GABRB2: variants seen among roughly 807,000 people sequenced by gnomAD.
GABRB2 encodes the protein gamma-aminobutyric acid type A receptor subunit beta2, also known as gamma-aminobutyric acid receptor subunit beta-2.
A neutral mutation model predicts 54.7 loss-of-function variants in GABRB2; 16 were observed. The ratio of observed to expected loss-of-function variants is 0.29; its 90% CI spans 0.20 to 0.44. The LOEUF is 0.44. Among genes scored for constraint, GABRB2 ranks in the 20% least tolerant of loss-of-function variants. The probability of loss-of-function intolerance (pLI) is 1.00; values close to 1 mark genes in which losing one functional copy is unlikely to be tolerated. For missense variants in GABRB2, 355 were observed against 644.0 expected (o/e 0.55, Z 4.86); for synonymous variants, 244 against 233.8 (o/e 1.04, Z -0.40).
intron 3 of GABRB2, among the ~76,000 whole-genome samples, chr5:161,472,410 A>C (rs534883184): frequency 7.3e-5 from 11 of 150,940 alleles, no homozygotes; most frequent in Non-Finnish European, 1.6e-4. Flanking sequence ...TCCCTCCAAA[A>C]CACACACACA....
intron 5 of GABRB2, among the ~76,000 whole-genome samples, chr5:161,361,109 A>G (rs1754797213): frequency 6.6e-6 from 1 of 152,062 alleles, no homozygotes; most frequent in African/African-American, 2.4e-5. Flanking sequence ...CAGCTTTTCT[A>G]ACATAAAAAT....
intron 3 of GABRB2, among the ~76,000 whole-genome samples, chr5:161,460,797 T>C (rs17462652): frequency 0.019 from 2,891 of 152,238 alleles, 39 homozygotes; most frequent in Middle Eastern, 0.078. Flanking sequence ...AACAGAATCA[T>C]GTAAAATTAT....
At chr5:161,463,551 T>TATATATATATAAA (rs1554102436) in intron 3 of GABRB2, among the ~76,000 whole-genome samples, 1 of 30,256 alleles carries the variant, frequency 3.3e-5, no homozygotes, top group East Asian at 1.7e-3. Context: ...CCAAATATTT[T>TATATATATATAAA]TATTTATATA....
intron 9 of GABRB2, among the ~76,000 whole-genome samples, chr5:161,303,098 A>G (rs1757584079): frequency 6.6e-6 from 1 of 152,246 alleles, no homozygotes; most frequent in Admixed American, 6.5e-5. Context: ...TTACAGCCAG[A>G]CTATGAGAAT....
At chr5:161,363,580 T>G (rs984826902) in intron 5 of GABRB2, among the ~76,000 whole-genome samples, 6 of 152,180 alleles carry the variant, frequency 3.9e-5, no homozygotes, top group African/African-American at 1.4e-4. Flanking sequence ...CCCATGCCTA[T>G]AGTCCCAGCT....
intron 5 of GABRB2, among the ~76,000 whole-genome samples, chr5:161,367,110 C>T (rs1054246380): frequency 6.6e-6 from 1 of 152,058 alleles, no homozygotes; most frequent in African/African-American, 2.4e-5. Flanking sequence ...GAGACAATAA[C>T]ATATTTTCTA....
At chr5:161,488,376 T>G (rs1033347111) in intron 3 of GABRB2, among the ~76,000 whole-genome samples, 1 of 151,774 alleles carries the variant, frequency 6.6e-6, no homozygotes. Flanking sequence ...CCTTAGCCTC[T>G]GGAGGAAGGA....
chr5:161,344,701 A>G (rs991189442), intron 5 of GABRB2, among the ~76,000 whole-genome samples: 1 of 152,010 alleles, frequency 6.6e-6, no homozygotes, highest in Non-Finnish European at 1.5e-5. Flanking sequence ...CTGAATATAT[A>G]CCCAAAAATT....
chr5:161,533,178 A>G (rs368769752), intron 3 of GABRB2, among the ~76,000 whole-genome samples: 3 of 152,328 alleles, frequency 2.0e-5, no homozygotes, highest in East Asian at 1.9e-4. Flanking sequence ...ATGTGAACAA[A>G]GAGAACAACA....
chr5:161,417,812 C>A (rs957264069), intron 4 of GABRB2, among the ~76,000 whole-genome samples: 2 of 152,150 alleles, frequency 1.3e-5, no homozygotes, highest in Non-Finnish European at 2.9e-5. Context: ...GCCATTCTAT[C>A]CTCTTGATTT....
At chr5:161,531,780 C>A (rs915382664) in intron 3 of GABRB2, among the ~76,000 whole-genome samples, 4 of 151,484 alleles carry the variant, frequency 2.6e-5, no homozygotes, top group African/African-American at 9.7e-5. Flanking sequence ...GAGATGAAAA[C>A]ATTACAGCTT....
At chr5:161,410,911 G>C in intron 5 of GABRB2, 64 bp downstream of exon 5, 5 of 1,239,998 alleles carry the variant, frequency 4.0e-6, no homozygotes, top group Non-Finnish European at 4.7e-6. Flanking sequence ...AGCCAGGACT[G>C]GAGGCCTCTG....
chr5:161,330,468 A>G (rs1753805424), intron 8 of GABRB2: 1 of 156,832 alleles, frequency 6.4e-6, no homozygotes, highest in African/African-American at 2.4e-5. Flanking sequence ...AGTATAAATT[A>G]GAACTTAATG....
At position 161,331,138 on chromosome 5, in the gene GABRB2, A is replaced by G. The variant is rs1753825686; in HGVS notation, c.833-11T>C. On this transcript the variant is annotated splice_polypyrimidine_tract_variant and intron_variant, in intron 7 of 9. Transcript: ENST00000393959. ...GGACAGTTGTGATTCCTGAAAAAAA[A>G]TGGGAGAGTTAGAGTAATAATGTTC... is the stretch of plus-strand genomic sequence containing the variant. 6.5e-7 allele frequency: 1 copy of G among 1,535,258 alleles called. No individual in the cohort carries two copies. The highest frequency in any genetic ancestry group is 2.1e-5 in the Admixed American group (1 of 48,056).
At chr5:161,398,032 T>C (rs563896644) in intron 5 of GABRB2, among the ~76,000 whole-genome samples, 2 of 151,940 alleles carry the variant, frequency 1.3e-5, no homozygotes, top group African/African-American at 2.4e-5. Flanking sequence ...GATAGATAGA[T>C]AGATAGACAG....
At chr5:161,404,924 C>A (rs1487003103) in intron 5 of GABRB2, among the ~76,000 whole-genome samples, 1 of 152,122 alleles carries the variant, frequency 6.6e-6, no homozygotes, top group East Asian at 1.9e-4. Context: ...ATCACTTGCT[C>A]AGTGAAATAA....
chr5:161,384,790 G>A (rs909592095), intron 5 of GABRB2, among the ~76,000 whole-genome samples: 2 of 152,136 alleles, frequency 1.3e-5, no homozygotes, highest in African/African-American at 4.8e-5. Context: ...GAACCCAACA[G>A]ATGAAATGCT....
At chr5:161,436,464 C>T (rs1017271872) in intron 4 of GABRB2, among the ~76,000 whole-genome samples, 4 of 149,334 alleles carry the variant, frequency 2.7e-5, no homozygotes, top group Non-Finnish European at 5.9e-5. Context: ...ACTTGGGAGG[C>T]GGAGGTTGCA....
intron 9 of GABRB2, among the ~76,000 whole-genome samples, chr5:161,319,840 T>A (rs1325978638): frequency 6.6e-6 from 1 of 151,790 alleles, no homozygotes. Context: ...GTCAATTTTG[T>A]TAAGTTCATC....
Sources: gnomAD v4.1 joint callset for allele counts (sites outside exome capture counted in the v4.1 genomes callset) on GRCh38, gnomAD v4.1.1 for gene constraint, MANE v1.5 for transcripts, NCBI Gene and HGNC (gene_info 2026-07-23, HGNC 2026-07-21) for gene names.